The following IL1RAPL2 variants were observed in gnomAD, a reference collection of about 807,000 sequenced individuals.
The protein encoded by IL1RAPL2 is interleukin 1 receptor accessory protein like 2, also known as X-linked interleukin-1 receptor accessory protein-like 2.
Under a neutral mutation model 44.1 loss-of-function variants are expected in IL1RAPL2, and 3 were observed. The observed-to-expected ratio is 0.07, with a 90% CI of 0.03 to 0.18. The LOEUF (loss-of-function observed/expected upper bound fraction) is 0.18, where lower values mean the gene tolerates loss of function less well. Among genes scored for constraint, IL1RAPL2 ranks in the 10% least tolerant of loss-of-function variants. IL1RAPL2 has a pLI of 1.00. For missense variants in IL1RAPL2, 391 were observed against 496.4 expected, an observed-to-expected ratio of 0.79 and a Z score of 2.02; for synonymous variants, 181 against 178.8, an observed-to-expected ratio of 1.01 and a Z score of -0.10.
chrX:105,147,134 T>G (rs2033186882), intron 2 of IL1RAPL2, among the ~76,000 whole-genome samples: 1 of 111,476 alleles, frequency 9.0e-6, no homozygotes, highest in Non-Finnish European at 1.9e-5. Flanking sequence ...GATGGCATTT[T>G]CCATTTGATG....
At chrX:104,844,407 A>G (rs1921989922) in intron 2 of IL1RAPL2, among the ~76,000 whole-genome samples, 1 of 111,307 alleles carries the variant, frequency 9.0e-6, no homozygotes, top group Admixed American at 9.6e-5. Context: ...TGATATTTGA[A>G]AACTGATATT....
chrX:105,344,195 T>C (rs897124055), intron 5 of IL1RAPL2, among the ~76,000 whole-genome samples: 3 of 112,433 alleles, frequency 2.7e-5, no homozygotes, highest in Non-Finnish European at 5.6e-5. Flanking sequence ...GCTCCTGGCC[T>C]TTATTGTCAA....
At chrX:104,973,217 G>T (rs1301093289) in intron 2 of IL1RAPL2, among the ~76,000 whole-genome samples, 3 of 111,726 alleles carry the variant, frequency 2.7e-5, no homozygotes, top group Non-Finnish European at 5.6e-5. Context: ...TACCTGTCAT[G>T]GCCTGAGTTA....
At position 104,775,997 on chromosome X, in the gene IL1RAPL2, C is replaced by A. The variant is rs78654722; in HGVS notation, c.82+117002C>A. On this transcript the variant is annotated intron_variant, in intron 2 of 10. Coordinates refer to ENST00000372582, the MANE Select transcript of IL1RAPL2 (RefSeq NM_017416.2). ...GGATCCTGAGAGAAGAGGTATTCTA[C>A]CATTTGTCTGGCTGTCATGTGGACT... Among the ~76,000 whole-genome samples, 86 of 111,481 alleles carry A rather than the reference C, an allele frequency of 7.7e-4. 2 individuals are homozygous for A. In the East Asian group the frequency reaches 0.02, roughly 25 times the overall value.
intron 6 of IL1RAPL2, among the ~76,000 whole-genome samples, chrX:105,507,304 A>C (rs776257928): frequency 8.9e-6 from 1 of 112,179 alleles, no homozygotes; most frequent in African/African-American, 3.2e-5. Context: ...TATAATTTTC[A>C]GGGTATGCCA....
intron 1 of IL1RAPL2, among the ~76,000 whole-genome samples, chrX:104,587,849 A>C (rs1234506505): frequency 1.8e-5 from 2 of 111,957 alleles, no homozygotes; most frequent in African/African-American, 6.5e-5. Context: ...AACTTTGACC[A>C]TTATCGATAG....
chrX:105,641,443 G>T (rs1199144979), intron 6 of IL1RAPL2, among the ~76,000 whole-genome samples: 1 of 111,315 alleles, frequency 9.0e-6, no homozygotes, highest in East Asian at 2.8e-4. Context: ...ATTCAACAAT[G>T]ACTATAACTG....
chrX:104,698,478 T>A (rs1931216572), intron 2 of IL1RAPL2, among the ~76,000 whole-genome samples: 1 of 112,049 alleles, frequency 8.9e-6, no homozygotes. Flanking sequence ...CTATTCTTAG[T>A]CTCATTCTTA....
intron 2 of IL1RAPL2, among the ~76,000 whole-genome samples, chrX:105,095,787 T>C (rs1407941642): frequency 2.7e-5 from 3 of 112,003 alleles, no homozygotes; most frequent in South Asian, 7.4e-4. Flanking sequence ...GATTGGACAA[T>C]GGTGTCTTAA....
chrX:104,933,312 C>T (rs1361254234), intron 2 of IL1RAPL2, among the ~76,000 whole-genome samples: 1 of 111,459 alleles, frequency 9.0e-6, no homozygotes, highest in African/African-American at 3.3e-5. Context: ...AAAATCTCAT[C>T]TTTCCCCCCA....
Position 105,689,185 on chromosome X carries a change from A to G in IL1RAPL2, c.773-28182A>G, listed in dbSNP as rs764608511. Among the ~76,000 whole-genome samples the G allele has an allele frequency of 4.5e-5, 5 of 112,056 alleles. No homozygotes were observed. In the South Asian group the frequency reaches 1.9e-3, roughly 42 times the overall value. ...TGGGGAGAACTTCATGACTAAAACA[A>G]CAAAAGCAATGGCAACAAAAGGCAA... On this transcript the variant is annotated intron_variant, in intron 6 of 10. Coordinates refer to ENST00000372582, the MANE Select transcript of IL1RAPL2 (RefSeq NM_017416.2).
intron 6 of IL1RAPL2, among the ~76,000 whole-genome samples, chrX:105,620,081 G>C (rs980052578): frequency 1.8e-5 from 2 of 110,944 alleles, no homozygotes; most frequent in Non-Finnish European, 3.8e-5. Flanking sequence ...TAATAGTGTA[G>C]GAGTCAACAC....
At chrX:105,297,715 GATGAGATTTGGGTAATTACAATTCCAA>G (rs2034664534) in intron 5 of IL1RAPL2, among the ~76,000 whole-genome samples, 1 of 111,195 alleles carries the variant, frequency 9.0e-6, no homozygotes, top group Admixed American at 9.6e-5. Context: ...TATAATTCCA[GATGAGATTTGGGTAATTACAATTCCAA>G]ATGAGATTTG....
At chrX:104,973,643 A>G (rs73533329) in intron 2 of IL1RAPL2, among the ~76,000 whole-genome samples, 6,031 of 112,002 alleles carry the variant, frequency 0.054, 422 homozygotes, top group African/African-American at 0.19. Context: ...AATGTAGGCC[A>G]TTTTTAAAGA....
intron 2 of IL1RAPL2, among the ~76,000 whole-genome samples, chrX:105,080,487 A>T (rs960127880): frequency 5.4e-5 from 6 of 111,966 alleles, no homozygotes; most frequent in Non-Finnish European, 1.1e-4. Context: ...TCCTTTCCCC[A>T]TTGCTTGTTT....
At chrX:104,958,769 T>C (rs1445403757) in intron 2 of IL1RAPL2, among the ~76,000 whole-genome samples, 1 of 109,055 alleles carries the variant, frequency 9.2e-6, no homozygotes, top group Non-Finnish European at 1.9e-5. Context: ...AGGACTAATA[T>C]GATTTCAGTG....
At chrX:104,856,533 A>G (rs1333062225) in intron 2 of IL1RAPL2, among the ~76,000 whole-genome samples, 1 of 112,148 alleles carries the variant, frequency 8.9e-6, no homozygotes, top group African/African-American at 3.2e-5. Context: ...GTCATGAATA[A>G]TTAAAATGCC....
chrX:105,352,329 A>T (rs1288619822), intron 5 of IL1RAPL2, among the ~76,000 whole-genome samples: 1 of 112,195 alleles, frequency 8.9e-6, no homozygotes, highest in Non-Finnish European at 1.9e-5. Context: ...AGATTAAATG[A>T]CTTACCTAAG....
chrX:105,461,379 G>A (rs2036091808), intron 5 of IL1RAPL2, among the ~76,000 whole-genome samples: 1 of 111,309 alleles, frequency 9.0e-6, no homozygotes, highest in Non-Finnish European at 1.9e-5. Flanking sequence ...TTTCTCCCAT[G>A]AACACTTTTC....
Sources: gnomAD v4.1 joint callset for allele counts (sites outside exome capture counted in the v4.1 genomes callset) on GRCh38, gnomAD v4.1.1 for gene constraint, MANE v1.5 for transcripts, NCBI Gene and HGNC (gene_info 2026-07-23, HGNC 2026-07-21) for gene names.